UGP2: variants seen among roughly 807,000 people sequenced by gnomAD.
UGP2 encodes UTP--glucose-1-phosphate uridylyltransferase.
UGP2 carries 40 observed loss-of-function variants against 49.0 expected under a neutral mutation model. The ratio of observed to expected loss-of-function variants is 0.82; its 90% CI spans 0.63 to 1.06. UGP2 has a LOEUF of 1.06. Ranked by LOEUF, UGP2 falls within the 50% of genes least tolerant of loss-of-function variation. UGP2 has a pLI of 0.00. For missense variants in UGP2, 460 were observed against 603.5 expected (o/e 0.76, Z 2.49); for synonymous variants, 225 against 213.0 (o/e 1.06, Z -0.49).
intron 4 of UGP2, chr2:63,883,426 C>G (rs1474562048): frequency 6.6e-6 from 1 of 152,400 alleles, no homozygotes; most frequent in African/African-American, 2.4e-5. Context: ...TCTTCACACT[C>G]TGCTGCCTCG....
Position 63,886,436 on chromosome 2 carries a change from G to A in UGP2, c.969G>A (p.Lys323=). Residue 323 remains lysine (K), a synonymous_variant, in exon 7 of 10, where the codon AAG becomes AAA. Coordinates refer to ENST00000337130, the MANE Select transcript of UGP2 (RefSeq NM_006759.4). ...TAGACGAGTTCAAGTCTGTATCAAA[G>A]TTCAAAATATTTAATACAAACAACC... ...AHVDEFKSVS[K]FKIFNTNNLW... is the part of the protein sequence containing the mutation. The A allele has an allele frequency of 6.2e-7, 1 of 1,614,164 alleles. No homozygotes were observed. The highest frequency in any genetic ancestry group is 8.5e-7 in the Non-Finnish European group (1 of 1,180,016).
At chr2:63,890,788 T>TTTTAA (rs1305704092) in intron 9 of UGP2, among the ~76,000 whole-genome samples, 1 of 152,164 alleles carries the variant, frequency 6.6e-6, no homozygotes, top group East Asian at 1.9e-4. Context: ...ACCAAGCACC[T>TTTTAA]TTTAATTTCT....
intron 7 of UGP2, 32 bp from the exon 8 acceptor site, chr2:63,887,370 G>A: frequency 6.2e-7 from 1 of 1,611,572 alleles, no homozygotes; most frequent in Non-Finnish European, 8.5e-7. Flanking sequence ...TAAAACCTCT[G>A]TTTTCTATTC....
At chr2:63,879,695 G>A (rs990680921) in intron 3 of UGP2, among the ~76,000 whole-genome samples, 2 of 152,238 alleles carry the variant, frequency 1.3e-5, no homozygotes, top group Admixed American at 1.3e-4. Context: ...ATGCATGGCA[G>A]TGTTCCTTTT....
intron 3 of UGP2, among the ~76,000 whole-genome samples, chr2:63,867,645 C>A (rs995776236): frequency 1.3e-5 from 2 of 152,072 alleles, no homozygotes; most frequent in African/African-American, 4.8e-5. Context: ...CATATTTATT[C>A]TTTGCCTTTG....
At chr2:63,854,295 G>C (rs761853658) in intron 1 of UGP2, among the ~76,000 whole-genome samples, 2 of 152,194 alleles carry the variant, frequency 1.3e-5, no homozygotes, top group Non-Finnish European at 2.9e-5. Context: ...TCCACTCTAT[G>C]TCTAAAGGCG....
chr2:63,854,606 C>T (rs1300327286), intron 1 of UGP2, among the ~76,000 whole-genome samples: 1 of 151,718 alleles, frequency 6.6e-6, no homozygotes, highest in Non-Finnish European at 1.5e-5. Context: ...AGCTACGCTT[C>T]TTGTCTAAGC....
chr2:63,865,924 C>G (rs1255778387), intron 3 of UGP2, among the ~76,000 whole-genome samples: 1 of 152,072 alleles, frequency 6.6e-6, no homozygotes, highest in Non-Finnish European at 1.5e-5. Context: ...CAAATGTGTT[C>G]ATGCTAGTTA....
chr2:63,886,060 A>G (rs189311407), intron 6 of UGP2, among the ~76,000 whole-genome samples, 174 bp downstream of exon 6: 3 of 152,116 alleles, frequency 2.0e-5, no homozygotes, highest in Admixed American at 6.5e-5. Context: ...AATCATCTCT[A>G]TTTTTTTGGA....
At chr2:63,858,415 A>G (rs180837187) in intron 3 of UGP2, among the ~76,000 whole-genome samples, 2 of 152,116 alleles carry the variant, frequency 1.3e-5, no homozygotes, top group East Asian at 1.9e-4. Context: ...GTTTTTTCCT[A>G]ATGAGAAAAT....
At chr2:63,852,431 A>G (rs1007661822) in intron 1 of UGP2, among the ~76,000 whole-genome samples, 1 of 152,266 alleles carries the variant, frequency 6.6e-6, no homozygotes, top group East Asian at 1.9e-4. Flanking sequence ...TGGAATAGGA[A>G]ATTGCAGCCT....
At position 63,890,155 on chromosome 2, in the gene UGP2, T is replaced by C. The variant is rs1449233819; in HGVS notation, c.1389T>C (p.Asp463=). The change falls in exon 9 of 10, where the codon GAT becomes GAC. Residue 463 remains aspartate, a synonymous_variant. Coordinates refer to ENST00000337130, the MANE Select transcript of UGP2 (RefSeq NM_006759.4). ...TGGATCACCTCACAGTTTCAGGAGA[T>C]GTGACATTTGGAAAAAATGTTTCAT... ...LELDHLTVSG[D]VTFGKNVSLK... The C allele has an allele frequency of 1.9e-6, 3 of 1,611,532 alleles. No individual in the cohort carries two copies. The highest frequency in any genetic ancestry group is 2.2e-5 in the East Asian group (1 of 44,782).
intron 1 of UGP2, chr2:63,842,665 G>A: frequency 7.3e-7 from 1 of 1,369,282 alleles, no homozygotes; most frequent in Non-Finnish European, 9.5e-7. Context: ...TTGTGTGTAC[G>A]TGGTTTGCGT....
chr2:63,887,416 C>G lies in UGP2; in HGVS notation c.1086C>G (p.Gly362=). ...ATTTCTTACAGACTTTGGATGGAGG[C>G]CTGAATGTCATTCAATTAGAAACTG... ...IIVNAKTLDG[G]LNVIQLETAV... is the part of the protein sequence containing the mutation. The change falls in exon 8 of 10, where the codon GGC becomes GGG. Residue 362 remains glycine, a synonymous_variant. Coordinates refer to ENST00000337130, the MANE Select transcript of UGP2 (RefSeq NM_006759.4). 1 of 1,614,016 alleles carries G rather than the reference C, an allele frequency of 6.2e-7. No individual in the cohort carries two copies. The highest frequency in any genetic ancestry group is 2.2e-5 in the East Asian group (1 of 44,882).
At position 63,891,021 on chromosome 2, in the gene UGP2, C is replaced by T. The variant is rs574324909; in HGVS notation, c.1420-99C>T. 3.5e-4 allele frequency: 310 copies of T among 888,524 alleles called. 4 individuals are homozygous for T. In the Middle Eastern group the frequency reaches 6.5e-3, roughly 19 times the overall value. The allele number at this position is 888,524 out of a possible 1,614,324, so 55.0% of individuals were successfully genotyped here. A position where few individuals can be genotyped will look rare whatever the true frequency, so the allele number is the denominator to read the frequency against. On this transcript the variant is annotated intron_variant, in intron 9 of 9. Coordinates refer to ENST00000337130, the MANE Select transcript of UGP2 (RefSeq NM_006759.4). The stretch of plus-strand genomic sequence containing the variant: ...ATTGTTTATAAAAAAAGTTACTTCA[C>T]TGTAAAAAAAAAAAAGTTGTACATA...
At chr2:63,864,781 C>G (rs1670070172) in intron 3 of UGP2, among the ~76,000 whole-genome samples, 1 of 152,186 alleles carries the variant, frequency 6.6e-6, no homozygotes, top group East Asian at 1.9e-4. Context: ...TCCATTCCTT[C>G]CTTTAGAGCC....
At chr2:63,846,725 T>C (rs997252912) in intron 1 of UGP2, among the ~76,000 whole-genome samples, 1 of 152,232 alleles carries the variant, frequency 6.6e-6, no homozygotes, top group East Asian at 1.9e-4. Flanking sequence ...AGAAGCATTC[T>C]GGGGCCTGGT....
intron 3 of UGP2, among the ~76,000 whole-genome samples, chr2:63,863,945 T>C (rs1403215160): frequency 1.3e-5 from 2 of 152,250 alleles, no homozygotes; most frequent in Admixed American, 1.3e-4. Flanking sequence ...AGTGTCTTCA[T>C]CGTACATAGT....
At chr2:63,884,748 CA>C (rs966782904) in intron 5 of UGP2, among the ~76,000 whole-genome samples, 1 of 151,436 alleles carries the variant, frequency 6.6e-6, no homozygotes, top group African/African-American at 2.4e-5. Flanking sequence ...GTCGTCTCTA[CA>C]AAAAAAATTT....
Sources: allele counts gnomAD v4.1 joint callset (sites outside exome capture counted in the v4.1 genomes callset), GRCh38; gene constraint gnomAD v4.1.1; transcripts MANE v1.5; gene names NCBI Gene and HGNC (gene_info 2026-07-23, HGNC 2026-07-21).